The following NCKAP5 variants were observed in gnomAD, a reference collection of about 807,000 sequenced individuals.
NCKAP5 encodes NCK associated protein 5.
Under a neutral mutation model 167.0 loss-of-function variants are expected in NCKAP5, and 92 were observed. The observed-to-expected ratio is 0.55, with a 90% confidence interval of 0.47 to 0.66. The LOEUF is 0.66. Among genes scored for constraint, NCKAP5 ranks in the 30% least tolerant of loss-of-function variants. The pLI is 0.00. For synonymous variants in NCKAP5, 891 were observed against 877.4 expected (o/e 1.02, Z -0.27); for missense variants, 2,378 against 2,315.0 (o/e 1.03, Z -0.56).
At chr2:132,953,662 G>C (rs1024403519) in intron 8 of NCKAP5, among the ~76,000 whole-genome samples, 4 of 150,998 alleles carry the variant, frequency 2.6e-5, no homozygotes, top group African/African-American at 2.4e-5. Flanking sequence ...CAGAGAGAGA[G>C]AGAGAGAAGA....
intron 8 of NCKAP5, among the ~76,000 whole-genome samples, chr2:132,884,746 G>C (rs931196656): frequency 6.6e-6 from 1 of 152,030 alleles, no homozygotes; most frequent in Non-Finnish European, 1.5e-5. Flanking sequence ...GGAGAGAACT[G>C]CAAATGCCAC....
At chr2:133,429,825 T>C (rs2151121067) in intron 3 of NCKAP5, among the ~76,000 whole-genome samples, 1 of 152,236 alleles carries the variant, frequency 6.6e-6, no homozygotes, top group Admixed American at 6.5e-5. Flanking sequence ...TCTTTTCCTT[T>C]AGGTATATAC....
chr2:133,654,268 CT>C, the NCKAP5 span, among the ~76,000 whole-genome samples: 2 of 151,958 alleles, frequency 1.3e-5, no homozygotes, highest in Admixed American at 6.6e-5. Flanking sequence ...ATCCCAGCTA[CT>C]TGGGAGGCTG....
rs147900694 is a variant in NCKAP5, at chr2:132,703,291, G to A, written c.5713+22336C>T. On this transcript the variant is annotated intron_variant, in intron 19 of 19. Coordinates refer to ENST00000409261, the MANE Select transcript of NCKAP5 (RefSeq NM_207363.3). Reference sequence around the variant, plus strand: ...CAAATACATATATATCCAAACAAACGCTCTTCTTTTCAATATTGTCATGTT... The same window carrying A: ...CAAATACATATATATCCAAACAAACACTCTTCTTTTCAATATTGTCATGTT... Among the ~76,000 whole-genome samples the A allele has an allele frequency of 1.1e-4, 16 of 152,138 alleles. No individual in the cohort carries two copies. The East Asian group carries it at 2.7e-3, about 26-fold the overall frequency.
At chr2:133,443,352 C>T (rs758994266) in intron 3 of NCKAP5, among the ~76,000 whole-genome samples, 6 of 152,152 alleles carry the variant, frequency 3.9e-5, no homozygotes, top group Non-Finnish European at 8.8e-5. Flanking sequence ...ATTAGTGAAA[C>T]AAAACAACTG....
the NCKAP5 span, among the ~76,000 whole-genome samples, chr2:133,611,811 C>T: frequency 6.6e-6 from 1 of 152,170 alleles, no homozygotes; most frequent in East Asian, 1.9e-4. Flanking sequence ...TTTCAAGTGA[C>T]GAATCTTCTC....
At chr2:132,711,355 A>G (rs1688831863) in intron 19 of NCKAP5, among the ~76,000 whole-genome samples, 1 of 152,220 alleles carries the variant, frequency 6.6e-6, no homozygotes, top group Non-Finnish European at 1.5e-5. Flanking sequence ...TTATAATAAT[A>G]ACATAGCCAG....
At chr2:132,972,750 C>G (rs1015350751) in intron 7 of NCKAP5, among the ~76,000 whole-genome samples, 1 of 151,712 alleles carries the variant, frequency 6.6e-6, no homozygotes, top group Non-Finnish European at 1.5e-5. Context: ...GCAGTCCCAG[C>G]TACTTTGGAG....
chr2:133,067,724 G>A (rs1158602643), intron 6 of NCKAP5, among the ~76,000 whole-genome samples: 5 of 152,200 alleles, frequency 3.3e-5, no homozygotes, highest in African/African-American at 9.6e-5. Flanking sequence ...GAGAAGGCAA[G>A]CTGCATTAGA....
At chr2:132,920,573 G>C (rs1332718546) in intron 8 of NCKAP5, among the ~76,000 whole-genome samples, 1 of 148,870 alleles carries the variant, frequency 6.7e-6, no homozygotes, top group African/African-American at 2.5e-5. Context: ...TGGGGGTGCT[G>C]TGTGTTGACT....
At chr2:133,101,600 C>G (rs1441376023) in intron 6 of NCKAP5, among the ~76,000 whole-genome samples, 1 of 151,706 alleles carries the variant, frequency 6.6e-6, no homozygotes, top group African/African-American at 2.4e-5. Context: ...TTGTAGTTCT[C>G]CTTGAAGAGG....
intron 7 of NCKAP5, among the ~76,000 whole-genome samples, chr2:132,988,005 C>T (rs2077338414): frequency 6.6e-6 from 1 of 152,144 alleles, no homozygotes; most frequent in Non-Finnish European, 1.5e-5. Flanking sequence ...TGGTACACTG[C>T]AGGTGCTCAG....
At chr2:133,515,503 AC>A (rs1419427707) in intron 3 of NCKAP5, among the ~76,000 whole-genome samples, 8 of 152,206 alleles carry the variant, frequency 5.3e-5, no homozygotes, top group African/African-American at 1.9e-4. Context: ...GGGAGACTTA[AC>A]AGGATTAAGT....
At chr2:133,502,017 G>A (rs1003909751) in intron 3 of NCKAP5, among the ~76,000 whole-genome samples, 4 of 152,204 alleles carry the variant, frequency 2.6e-5, no homozygotes, top group Admixed American at 2.0e-4. Context: ...GGAGCCTCCA[G>A]GCTCCGTAGA....
chr2:133,390,244 A>G (rs764400426), intron 3 of NCKAP5, among the ~76,000 whole-genome samples: 7 of 152,170 alleles, frequency 4.6e-5, no homozygotes, highest in Non-Finnish European at 8.8e-5. Flanking sequence ...AGGCCCTAAG[A>G]CAAGAAAGAC....
chr2:133,443,103 A>C (rs889014354), intron 3 of NCKAP5, among the ~76,000 whole-genome samples: 3 of 152,248 alleles, frequency 2.0e-5, no homozygotes, highest in African/African-American at 7.2e-5. Flanking sequence ...ACCTAAAACT[A>C]GTCCAGGATT....
chr2:133,198,815 C>A (rs896006118), intron 5 of NCKAP5, among the ~76,000 whole-genome samples: 1 of 151,932 alleles, frequency 6.6e-6, no homozygotes, highest in Admixed American at 6.6e-5. Flanking sequence ...TTACAGGGAC[C>A]TAGAACAGCA....
chr2:132,678,460 G>A (rs571085879), intron 19 of NCKAP5, among the ~76,000 whole-genome samples: 1 of 152,182 alleles, frequency 6.6e-6, no homozygotes. Flanking sequence ...ATGAGGATTG[G>A]AGCTCTTAGC....
chr2:132,680,418 C>T (rs1685068194), intron 19 of NCKAP5, among the ~76,000 whole-genome samples: 1 of 152,098 alleles, frequency 6.6e-6, no homozygotes. Context: ...ATTAACTATA[C>T]TGCTGTCCTT....
Sources: allele counts gnomAD v4.1 joint callset (sites outside exome capture counted in the v4.1 genomes callset), GRCh38; gene constraint gnomAD v4.1.1; transcripts MANE v1.5; gene names NCBI Gene and HGNC (gene_info 2026-07-23, HGNC 2026-07-21).